The following MGAM2 variants were observed in gnomAD, a reference collection of about 807,000 sequenced individuals.
MGAM2 encodes the protein maltase-glucoamylase 2 (putative).
Under a neutral mutation model 96.1 loss-of-function variants are expected in MGAM2, and 98 were observed. The ratio of observed to expected loss-of-function variants is 1.02; its 90% CI spans 0.87 to 1.21. The LOEUF (loss-of-function observed/expected upper bound fraction) is 1.21, where lower values mean the gene tolerates loss of function less well. Among genes scored for constraint, MGAM2 ranks in the 50% most tolerant of loss-of-function variants. The pLI, the probability that MGAM2 is intolerant of heterozygous loss-of-function variation, is 0.00. For missense variants in MGAM2, 2,055 were observed against 1,182.4 expected (o/e 1.74, Z -10.82); for synonymous variants, 749 against 414.8 (o/e 1.81, Z -9.79).
intron 34 of MGAM2, 67 bp from the exon 35 acceptor site, chr7:142,185,922 A>G (rs953903141): frequency 1.0e-5 from 7 of 668,546 alleles, no homozygotes; most frequent in Middle Eastern, 3.1e-4. Context: ...ATTCCTGTTC[A>G]TCTCCCATTT....
rs907760121 is a variant in MGAM2, at chr7:142,154,865, T to A, written c.1923+20T>A. 2.8e-6 allele frequency: 2 copies of A among 702,176 alleles called. No homozygotes were observed. Among genetic ancestry groups the A allele is most frequent in the African/African-American group, 3.5e-5 (2 of 57,184 alleles). 43.5% of individuals were successfully genotyped at this position (702,176 alleles called of 1,614,324 possible). ...TTCAGGGTAAGGTCACCAAAAGAAG[T>A]GATGGAAACTTTTTGGATTAGCTAA... On this transcript the variant is annotated intron_variant, in intron 17 of 47. Transcript: ENST00000477922.
At chr7:142,121,746 CAT>C (rs1279778995) in intron 3 of MGAM2, among the ~76,000 whole-genome samples, 1 of 150,966 alleles carries the variant, frequency 6.6e-6, no homozygotes, top group Admixed American at 6.6e-5. Flanking sequence ...AGTTAAATCT[CAT>C]ATTGTTTATA....
chr7:142,132,833 TATA>T (rs1199423671), intron 6 of MGAM2, among the ~76,000 whole-genome samples: 2 of 128,070 alleles, frequency 1.6e-5, no homozygotes, highest in South Asian at 2.3e-4. Flanking sequence ...TTATAAGTAA[TATA>T]ATTATATAAA....
intron 32 of MGAM2, among the ~76,000 whole-genome samples, chr7:142,182,238 TA>T (rs767941181): frequency 4.6e-5 from 7 of 152,144 alleles, no homozygotes; most frequent in Non-Finnish European, 8.8e-5. Context: ...TTTCTGGCCT[TA>T]GGGTCCAGCA....
chr7:142,176,645 G>A (rs1043455319), intron 32 of MGAM2, among the ~76,000 whole-genome samples: 1 of 151,842 alleles, frequency 6.6e-6, no homozygotes, highest in African/African-American at 2.4e-5. Flanking sequence ...GGCAGGTATG[G>A]GATGGAGTGA....
intron 37 of MGAM2, among the ~76,000 whole-genome samples, chr7:142,193,513 GT>G (rs1796935549): frequency 6.6e-6 from 1 of 152,168 alleles, no homozygotes; most frequent in African/African-American, 2.4e-5. Context: ...TCAGTGGTCA[GT>G]TTTGTTCACT....
chr7:142,173,400 T>G, intron 31 of MGAM2, 46 bp downstream of exon 31: 1 of 693,810 alleles, frequency 1.4e-6, no homozygotes. Flanking sequence ...TTACAGGAAT[T>G]TGTGGCTAAT....
At chr7:142,204,231 G>A (rs1466762732) in intron 45 of MGAM2, among the ~76,000 whole-genome samples, 1 of 151,694 alleles carries the variant, frequency 6.6e-6, no homozygotes, top group Non-Finnish European at 1.5e-5. Context: ...GTATTTTTAA[G>A]TTTTTGATGG....
Position 142,167,431 on chromosome 7 carries a change from T to G in MGAM2, c.2972T>G (p.Ile991Ser). Reference sequence around the variant, plus strand: ...GCCTCTGATTCTCTCTCTGCAAAGATCAGCTTCCTCCACCTGAAAGTGATC... The same window carrying G: ...GCCTCTGATTCTCTCTCTGCAAAGAGCAGCTTCCTCCACCTGAAAGTGATC... The part of the protein sequence containing the change: ...AAASDSLSAK[I>S]SFLHLKVIYH... The change falls in exon 26 of 48, where the codon ATC (isoleucine) becomes AGC (serine). Residue 991 changes from isoleucine to serine, a missense_variant. Ile to Ser is a moderately radical substitution (Grantham distance 142). Transcript: ENST00000477922. The G allele has an allele frequency of 2.8e-6, 2 of 703,024 alleles. No individual in the cohort carries two copies. Among genetic ancestry groups the G allele is most frequent in the Non-Finnish European group, 5.2e-6 (2 of 384,992 alleles). The allele number at this position is 703,024 out of a possible 1,614,324, so 43.5% of individuals were successfully genotyped here.
intron 37 of MGAM2, among the ~76,000 whole-genome samples, chr7:142,194,714 GT>G: frequency 6.6e-6 from 1 of 151,974 alleles, no homozygotes; most frequent in Non-Finnish European, 1.5e-5. Context: ...GTGTGTGTGT[GT>G]GTGTGTGTGT....
intron 3 of MGAM2, among the ~76,000 whole-genome samples, chr7:142,129,741 C>G (rs758816508): frequency 1.5e-5 from 2 of 134,984 alleles, no homozygotes; most frequent in African/African-American, 5.6e-5. Flanking sequence ...AGTAGAATAA[C>G]TTGAACCCAG....
chr7:142,163,425 G>A (rs1303578507), intron 23 of MGAM2, among the ~76,000 whole-genome samples: 1 of 152,116 alleles, frequency 6.6e-6, no homozygotes, highest in Admixed American at 6.5e-5. Context: ...GGGATTACAG[G>A]CATGCACCAC....
chr7:142,187,055 A>G (rs1796723000), intron 35 of MGAM2, among the ~76,000 whole-genome samples: 1 of 151,866 alleles, frequency 6.6e-6, no homozygotes. Flanking sequence ...AGTATGTCCT[A>G]TTTAAAATAG....
intron 19 of MGAM2, 70 bp from the exon 20 acceptor site, chr7:142,159,217 A>G (rs1430966378): frequency 1.4e-6 from 1 of 691,566 alleles, no homozygotes; most frequent in Non-Finnish European, 2.6e-6. Context: ...ACATGTAATG[A>G]TGCCTGGAGG....
At chr7:142,202,192 G>A (rs980435564) in intron 45 of MGAM2, among the ~76,000 whole-genome samples, 3 of 152,220 alleles carry the variant, frequency 2.0e-5, no homozygotes, top group Non-Finnish European at 4.4e-5. Context: ...CAGGACTGGG[G>A]AGAAGCTGAC....
intron 45 of MGAM2, among the ~76,000 whole-genome samples, chr7:142,204,066 T>C (rs1797323286): frequency 1.3e-5 from 2 of 152,068 alleles, no homozygotes; most frequent in Admixed American, 6.5e-5. Flanking sequence ...GTCATCTCTT[T>C]TTTTTCTCTG....
At position 142,189,358 on chromosome 7, in the gene MGAM2, T is replaced by G; in HGVS notation, c.4208-9T>G. The G allele has an allele frequency of 1.5e-6, 1 of 680,484 alleles. No individual in the cohort carries two copies. Among genetic ancestry groups the G allele is most frequent in the South Asian group, 1.6e-5 (1 of 63,090 alleles). The allele number at this position is 680,484 out of a possible 1,614,324, so 42.2% of individuals were successfully genotyped here. ...GTTGTTTAGGAAATAACTCAACATT[T>G]CCCCTCAGATTTGGAATCTAGGGAC... On this transcript the variant is annotated splice_polypyrimidine_tract_variant and intron_variant, in intron 36 of 47. Transcript: ENST00000477922.
chr7:142,113,702 C>T (rs965662329), intron 1 of MGAM2, among the ~76,000 whole-genome samples: 1 of 152,076 alleles, frequency 6.6e-6, no homozygotes, highest in African/African-American at 2.4e-5. Flanking sequence ...ATATATGAAT[C>T]TAAATCCCTG....
rs1254510651 is a variant in MGAM2 at position 142,159,315 on chromosome 7, C to A, written c.2192C>A (p.Pro731His). Residue 731 changes from proline (P) to histidine (H), a missense_variant, in exon 20 of 48, where the codon CCT becomes CAT. Physicochemically the swap from Pro to His is moderately conservative, Grantham distance 77. Transcript: ENST00000477922. ...EGVDEVKAYI[P>H]DATWYDYETG... ...GTGGACGAAGTGAAAGCATACATAC[C>A]TGATGCCACCTGGTATGACTATGAG... 2.7e-5 allele frequency: 19 copies of A among 702,454 alleles called. No homozygotes were observed. The highest frequency in any genetic ancestry group is 4.9e-5 in the Non-Finnish European group (19 of 384,708). 43.5% of individuals were successfully genotyped at this position (702,454 alleles called of 1,614,324 possible). A position where few individuals can be genotyped will look rare whatever the true frequency, so the allele number is the denominator to read the frequency against.
Sources: allele counts gnomAD v4.1 joint callset (sites outside exome capture counted in the v4.1 genomes callset), GRCh38; gene constraint gnomAD v4.1.1; transcripts MANE v1.5; gene names NCBI Gene and HGNC (gene_info 2026-07-23, HGNC 2026-07-21).